The following UBR1 variants were observed in gnomAD, a reference collection of about 807,000 sequenced individuals.
The protein encoded by UBR1 is E3 ubiquitin-protein ligase UBR1.
In UBR1, 102 loss-of-function variants were observed where a neutral mutation model predicts 242.1. The observed-to-expected ratio is 0.42, with a 90% CI of 0.36 to 0.50. UBR1 has a LOEUF of 0.50. Ranked by LOEUF, UBR1 falls within the 20% of genes least tolerant of loss-of-function variation. The pLI is 0.01. For missense variants in UBR1, 1,772 were observed against 2,101.8 expected (o/e 0.84, Z 3.07); for synonymous variants, 675 against 684.8 (o/e 0.99, Z 0.22).
At chr15:43,058,744 T>G (rs2033647513) in intron 9 of UBR1, among the ~76,000 whole-genome samples, 1 of 152,202 alleles carries the variant, frequency 6.6e-6, no homozygotes, top group Non-Finnish European at 1.5e-5. Context: ...CGTTTTGTTC[T>G]TCATTTAGAT....
At chr15:43,084,020 A>C (rs2034003774) in intron 2 of UBR1, among the ~76,000 whole-genome samples, 1 of 152,142 alleles carries the variant, frequency 6.6e-6, no homozygotes, top group Non-Finnish European at 1.5e-5. Context: ...ACTCTAGCCT[A>C]GGCAATAAGA....
Position 43,017,308 on chromosome 15 carries a change from T to A in UBR1, c.2941-127A>T. 4.3e-6 allele frequency: 3 copies of A among 704,482 alleles called. No homozygotes were observed. In the Admixed American group the frequency reaches 6.7e-5, roughly 16 times the overall value. The allele number at this position is 704,482 out of a possible 1,614,324, so 43.6% of individuals were successfully genotyped here. On this transcript the variant is annotated intron_variant, in intron 27 of 46. Transcript: ENST00000290650. ...GTCTTTCACTTAAACTATTTCAATATATGAAGAAAAAAAGTGACTCTGACT... is the reference window on the plus strand; with the variant it reads ...GTCTTTCACTTAAACTATTTCAATAAATGAAGAAAAAAAGTGACTCTGACT...
chr15:42,961,197 C>T (rs2032013129), intron 42 of UBR1, among the ~76,000 whole-genome samples: 1 of 150,638 alleles, frequency 6.6e-6, no homozygotes, highest in East Asian at 2.0e-4. Context: ...ACTGCAACCT[C>T]CATCTCCCGT....
chr15:43,016,730 C>T (rs1423694993), intron 28 of UBR1, among the ~76,000 whole-genome samples: 2 of 152,124 alleles, frequency 1.3e-5, no homozygotes, highest in Non-Finnish European at 2.9e-5. Flanking sequence ...GAGCAAGCCA[C>T]CACATTGGGC....
chr15:42,963,692 G>A (rs984149928), intron 42 of UBR1, among the ~76,000 whole-genome samples: 1 of 118,848 alleles, frequency 8.4e-6, no homozygotes, highest in Non-Finnish European at 1.6e-5. Context: ...TAAAACAGAT[G>A]AGACACCAGC....
intron 12 of UBR1, among the ~76,000 whole-genome samples, chr15:43,053,088 C>G (rs905965631): frequency 2.6e-5 from 4 of 152,170 alleles, no homozygotes; most frequent in African/African-American, 4.8e-5. Context: ...GTGAATTACA[C>G]AGTACCTGCA....
chr15:43,037,953 C>A lies in UBR1; in HGVS notation c.1912-70G>T, dbSNP rs1490333257. On this transcript the variant is annotated intron_variant, in intron 16 of 46. Coordinates refer to ENST00000290650, the MANE Select transcript of UBR1 (RefSeq NM_174916.3). ...GATGTGTCTCCAAGTTATGCCACTA[C>A]ATATTCTTCAGTTTTCTCACGTGAA... 5 of 1,428,838 alleles carry A rather than the reference C, an allele frequency of 3.5e-6. No individual in the cohort carries two copies. The East Asian group carries it at 9.6e-5, about 27-fold the overall frequency. 88.5% of individuals were successfully genotyped at this position (1,428,838 alleles called of 1,614,324 possible).
intron 1 of UBR1, among the ~76,000 whole-genome samples, chr15:43,102,894 C>T (rs914725823): frequency 2.6e-5 from 4 of 152,152 alleles, no homozygotes; most frequent in Non-Finnish European, 4.4e-5. Flanking sequence ...CCGGGCTGGG[C>T]GTAGTGGCTC....
intron 29 of UBR1, among the ~76,000 whole-genome samples, chr15:43,008,329 C>T (rs117722860): frequency 0.018 from 2,744 of 152,384 alleles, 44 homozygotes; most frequent in South Asian, 0.029. Flanking sequence ...TCCCAATGCC[C>T]GCTCCGATTT....
At chr15:43,056,723 A>C (rs540664675) in intron 10 of UBR1, among the ~76,000 whole-genome samples, 1 of 152,274 alleles carries the variant, frequency 6.6e-6, no homozygotes, top group East Asian at 1.9e-4. Flanking sequence ...AACAAACAAA[A>C]AACAGAGGAC....
rs1007026122 is a variant in UBR1, at chr15:42,944,179, A to C, written c.*1150T>G. The C allele has an allele frequency of 7.9e-5, 12 of 152,566 alleles. No homozygotes were observed. The highest frequency in any genetic ancestry group is 2.9e-4 in the African/African-American group (12 of 41,464). 9.5% of individuals were successfully genotyped at this position (152,566 alleles called of 1,614,324 possible). On this transcript the variant is annotated 3_prime_UTR_variant, in exon 47 of 47. Transcript: ENST00000290650. Reference sequence around the variant, plus strand: ...TTCCATTTATCTTCTGCTGTTTTATATCACAATCTCTTGATACAAAAAACA... The same window carrying C: ...TTCCATTTATCTTCTGCTGTTTTATCTCACAATCTCTTGATACAAAAAACA...
intron 41 of UBR1, among the ~76,000 whole-genome samples, chr15:42,964,425 C>T (rs554796165): frequency 7.2e-5 from 11 of 152,030 alleles, no homozygotes; most frequent in Middle Eastern, 3.4e-3. Flanking sequence ...GCTGAGATCG[C>T]GCTATTGCAC....
Position 43,047,304 on chromosome 15 carries a change from T to C in UBR1, c.1540-15A>G, listed in dbSNP as rs1310499960. On this transcript the variant is annotated splice_polypyrimidine_tract_variant and intron_variant, in intron 13 of 46. Coordinates refer to ENST00000290650, the MANE Select transcript of UBR1 (RefSeq NM_174916.3). ...TCTTCCATTCCCTGCAATTACAAGT[T>C]GGTCAACATACACCTATCTGAGCCC... 6.2e-7 allele frequency: 1 copy of C among 1,614,120 alleles called. No individual in the cohort carries two copies. Among genetic ancestry groups the C allele is most frequent in the South Asian group, 1.1e-5 (1 of 91,082 alleles).
intron 28 of UBR1, among the ~76,000 whole-genome samples, chr15:43,016,537 T>G (rs1018395853): frequency 6.6e-6 from 1 of 152,230 alleles, no homozygotes; most frequent in Non-Finnish European, 1.5e-5. Context: ...TATCCCAATT[T>G]AAGTCACTAA....
intron 1 of UBR1, among the ~76,000 whole-genome samples, chr15:43,105,168 T>C (rs2034282289): frequency 6.6e-6 from 1 of 152,222 alleles, no homozygotes; most frequent in African/African-American, 2.4e-5. Context: ...GACAGATATT[T>C]GAATATTTTC....
chr15:43,075,817 G>C (rs964252119), intron 3 of UBR1, among the ~76,000 whole-genome samples: 1 of 151,830 alleles, frequency 6.6e-6, no homozygotes, highest in Non-Finnish European at 1.5e-5. Flanking sequence ...GTTTCTCTAC[G>C]TTGGTCAGGC....
intron 31 of UBR1, among the ~76,000 whole-genome samples, chr15:43,002,908 T>A (rs908418402): frequency 3.3e-5 from 5 of 152,198 alleles, no homozygotes; most frequent in Non-Finnish European, 7.3e-5. Context: ...GGAAAATACA[T>A]CAGAGCAGAT....
At chr15:43,042,282 G>A (rs548415042) in intron 15 of UBR1, among the ~76,000 whole-genome samples, 1 of 152,120 alleles carries the variant, frequency 6.6e-6, no homozygotes, top group East Asian at 1.9e-4. Flanking sequence ...AGCAACCCAA[G>A]TGTCCATCAA....
intron 39 of UBR1, among the ~76,000 whole-genome samples, chr15:42,974,584 T>C (rs368168052): frequency 2.0e-5 from 3 of 152,210 alleles, no homozygotes; most frequent in African/African-American, 7.2e-5. Context: ...CATGTATTTA[T>C]TTATGTACTT....
Sources: allele counts gnomAD v4.1 joint callset (sites outside exome capture counted in the v4.1 genomes callset), GRCh38; gene constraint gnomAD v4.1.1; transcripts MANE v1.5; gene names NCBI Gene and HGNC (gene_info 2026-07-23, HGNC 2026-07-21).